The following DNAH17 variants were observed in gnomAD, a reference collection of about 807,000 sequenced individuals.
DNAH17 encodes the protein dynein axonemal heavy chain 17.
A neutral mutation model predicts 485.6 loss-of-function variants in DNAH17; 376 were observed. The observed-to-expected ratio is 0.77, with a 90% CI of 0.71 to 0.84. The LOEUF is 0.84. DNAH17 is among the 40% of genes least tolerant of loss of function. The pLI, the probability that DNAH17 is intolerant of heterozygous loss-of-function variation, is 0.00. For synonymous variants in DNAH17, 3,031 were observed against 2,405.9 expected, an observed-to-expected ratio of 1.26 and a Z score of -7.60; for missense variants, 6,370 against 5,839.3, an observed-to-expected ratio of 1.09 and a Z score of -2.96.
rs1202645407 is a variant in DNAH17, at chr17:78,540,000, C to T, written c.2533-120G>A. On this transcript the variant is annotated intron_variant, in intron 17 of 80. Transcript: ENST00000389840. ...TTCACACGCCGGACACACGGGGCTG[C>T]TTTGAGCATCTTGCTGGTGCTGGCC... The T allele has an allele frequency of 1.3e-5, 13 of 1,000,268 alleles. No homozygotes were observed. In the Admixed American group the frequency reaches 2.4e-4, roughly 18 times the overall value. 62.0% of individuals were successfully genotyped at this position (1,000,268 alleles called of 1,614,324 possible). A position where few individuals can be genotyped will look rare whatever the true frequency, so the allele number is the denominator to read the frequency against.
chr17:78,450,056 T>C (rs1458822256), intron 68 of DNAH17, 198 bp downstream of exon 68: 1 of 622,142 alleles, frequency 1.6e-6, no homozygotes, highest in Non-Finnish European at 2.8e-6. Context: ...TCATACCCTC[T>C]CCTGGGGAGA....
In DNAH17 at chr17:78,566,997, AC is replaced by A. The variant is rs749713578; in HGVS notation, c.1452+1del. 4 of 1,608,914 alleles carry A rather than the reference AC, an allele frequency of 2.5e-6. No individual in the cohort carries two copies. The highest frequency in any genetic ancestry group is 2.5e-6 in the Non-Finnish European group (3 of 1,177,234). On this transcript the variant is annotated splice_donor_variant, in intron 10 of 80. Transcript: ENST00000389840. LOFTEE classifies it high-confidence loss of function. Reference sequence around the variant, plus strand: ...TTCATCCAACCCTGCCCGAGGACCTACCGAGTCTCCAGGGTCCAAGGGATCA... The same window carrying A: ...TTCATCCAACCCTGCCCGAGGACCTACGAGTCTCCAGGGTCCAAGGGATCA...
intron 14 of DNAH17, among the ~76,000 whole-genome samples, chr17:78,555,543 C>CAAAA (rs765954549): frequency 0.25 from 19,356 of 77,438 alleles, 3,616 homozygotes; most frequent in Middle Eastern, 0.34. Flanking sequence ...GATTCCGTCA[C>CAAAA]AAAAAAAAAA....
In DNAH17 at chr17:78,445,584, G is replaced by A. The variant is rs1430372339; in HGVS notation, c.11308C>T (p.Gln3770Ter). The change falls in exon 70 of 81, where the codon CAG becomes TAG. Residue 3770 changes from glutamine (Q) to a stop codon, truncating the protein, a stop_gained. Transcript: ENST00000389840. LOFTEE classifies it high-confidence loss of function. Reference protein sequence around the residue: ...AGVVSPVDFLQHQGWGGIKAL... With the variant: ...AGVVSPVDFL The stretch of plus-strand genomic sequence containing the variant: ...TTGATCCCGCCCCAGCCTTGATGCT[G>A]GAGGAAGTCCACTGGTGAGACCACT... 5 of 1,563,176 alleles carry A rather than the reference G, an allele frequency of 3.2e-6. No individual in the cohort carries two copies. The highest frequency in any genetic ancestry group is 1.4e-5 in the African/African-American group (1 of 73,602).
chr17:78,532,845 C>T, intron 19 of DNAH17, 109 bp from the exon 20 acceptor site: 1 of 1,267,600 alleles, frequency 7.9e-7, no homozygotes, highest in East Asian at 2.5e-5. Context: ...GAAAGGGCTT[C>T]CAATCTCTCA....
intron 31 of DNAH17, among the ~76,000 whole-genome samples, chr17:78,504,429 G>T (rs528191937): frequency 7.2e-5 from 11 of 152,094 alleles, no homozygotes; most frequent in Non-Finnish European, 1.5e-4. Flanking sequence ...AGTTCTGTTT[G>T]TAAGGGGTAA....
chr17:78,551,140 G>A (rs533465255), intron 16 of DNAH17, among the ~76,000 whole-genome samples: 5 of 152,348 alleles, frequency 3.3e-5, no homozygotes, highest in Non-Finnish European at 5.9e-5. Context: ...TGACAGACCA[G>A]ACCACCTAGA....
chr17:78,512,190 G>A (rs984264802), intron 26 of DNAH17, among the ~76,000 whole-genome samples: 2 of 152,226 alleles, frequency 1.3e-5, no homozygotes. Flanking sequence ...GGATCTCTTG[G>A]GAAGCCGTGG....
rs2088211555 is a variant in DNAH17, at chr17:78,462,921, T to C, written c.9097A>G (p.Lys3033Glu). The part of the protein sequence containing the change: ...QIKLYQNLLA[K>E]KRTELVAKIE... ...TTGGCAACAAGTTCCGTTCTCTTCTTGGCCAGCAGGTTCTGGTACAGTTTG... is the reference window on the plus strand; with the variant it reads ...TTGGCAACAAGTTCCGTTCTCTTCTCGGCCAGCAGGTTCTGGTACAGTTTG... The change falls in exon 57 of 81, where the codon AAG becomes GAG. Residue 3033 changes from lysine to glutamate, a missense_variant. By Grantham distance (56) the Lys-to-Glu change is moderately conservative (BLOSUM62 1). Coordinates refer to ENST00000389840, the MANE Select transcript of DNAH17 (RefSeq NM_173628.4). 6.2e-7 allele frequency: 1 copy of C among 1,614,032 alleles called. No individual in the cohort carries two copies. Among genetic ancestry groups the C allele is most frequent in the South Asian group, 1.1e-5 (1 of 91,078 alleles).
rs1047175383 is a variant in DNAH17 at position 78,505,447 on chromosome 17, T to C, written c.4804-2A>G. 1 of 1,613,932 alleles carries C rather than the reference T, an allele frequency of 6.2e-7. No individual in the cohort carries two copies. Among genetic ancestry groups the C allele is most frequent in the Non-Finnish European group, 8.5e-7 (1 of 1,179,846 alleles). The stretch of plus-strand genomic sequence containing the variant: ...GAGTTTGGACAGGTGGCGGCTCACC[T>C]GGGAGGAGGCAAGAAGCGGGAATTA... On this transcript the variant is annotated splice_acceptor_variant, in intron 30 of 80. Transcript: ENST00000389840. LOFTEE classifies it high-confidence loss of function.
chr17:78,526,095 A>T (rs1219084728), intron 24 of DNAH17, among the ~76,000 whole-genome samples: 1 of 152,206 alleles, frequency 6.6e-6, no homozygotes, highest in African/African-American at 2.4e-5. Context: ...GCTCCTGCCC[A>T]CAAGGGCCTT....
chr17:78,541,685 G>A (rs541069871), intron 17 of DNAH17, among the ~76,000 whole-genome samples: 155 of 152,080 alleles, frequency 1.0e-3, no homozygotes, highest in African/African-American at 3.5e-3. Context: ...TTAGGCTCCT[G>A]TCCCTGCTGC....
At chr17:78,520,448 A>G (rs992250242) in intron 25 of DNAH17, among the ~76,000 whole-genome samples, 1 of 152,222 alleles carries the variant, frequency 6.6e-6, no homozygotes, top group Admixed American at 6.5e-5. Flanking sequence ...TGCAGATGAC[A>G]TTATTGTCTA....
Position 78,502,969 on chromosome 17 carries a change from T to C in DNAH17, c.4999A>G (p.Thr1667Ala), listed in dbSNP as rs773392147. 4 of 1,613,766 alleles carry C rather than the reference T, an allele frequency of 2.5e-6. No individual in the cohort carries two copies. In the Admixed American group the frequency reaches 6.7e-5, roughly 27 times the overall value. ...GCCTCTGGGATTTCGTGCCGGAGGG[T>C]AGAGCACATTCGGTCCAGCACTCGA... Reference protein sequence around the residue: ...LNRVLDRMCSTLRHEIPEAVV... With the variant: ...LNRVLDRMCSALRHEIPEAVV... Residue 1667 changes from threonine (T) to alanine (A), a missense_variant, in exon 32 of 81, where the codon ACC becomes GCC. By Grantham distance (58) the Thr-to-Ala change is moderately conservative. Coordinates refer to ENST00000389840, the MANE Select transcript of DNAH17 (RefSeq NM_173628.4).
intron 42 of DNAH17, 120 bp downstream of exon 42, chr17:78,492,513 G>T: frequency 7.1e-7 from 1 of 1,400,596 alleles, no homozygotes; most frequent in Non-Finnish European, 9.7e-7. Context: ...CAGGCCACGT[G>T]CCTGTGTGCC....
intron 75 of DNAH17, 78 bp from the exon 76 acceptor site, chr17:78,429,378 G>A (rs2086595255): frequency 5.4e-6 from 8 of 1,478,362 alleles, no homozygotes; most frequent in Non-Finnish European, 7.3e-6. Flanking sequence ...GCTCAGGCAG[G>A]CAGGGCGTGG....
intron 58 of DNAH17, among the ~76,000 whole-genome samples, chr17:78,461,133 G>C (rs1260947958): frequency 6.6e-6 from 1 of 151,882 alleles, no homozygotes; most frequent in Non-Finnish European, 1.5e-5. Flanking sequence ...GGGGGGCCCG[G>C]AGCCGCACGT....
chr17:78,498,626 CCCT>C (rs1235489350), intron 37 of DNAH17, among the ~76,000 whole-genome samples: 3 of 152,216 alleles, frequency 2.0e-5, no homozygotes, highest in East Asian at 1.9e-4. Context: ...CGCATTTCCT[CCCT>C]CCTCCTCTTC....
intron 14 of DNAH17, among the ~76,000 whole-genome samples, chr17:78,557,052 T>A (rs528753400): frequency 7.9e-5 from 12 of 151,860 alleles, no homozygotes; most frequent in Non-Finnish European, 1.3e-4. Context: ...TACTGGGAAG[T>A]TTTTCCAAAG....
Sources: allele counts gnomAD v4.1 joint callset (sites outside exome capture counted in the v4.1 genomes callset), GRCh38; gene constraint gnomAD v4.1.1; transcripts MANE v1.5; gene names NCBI Gene and HGNC (gene_info 2026-07-23, HGNC 2026-07-21).